HS3ST5: variants seen among roughly 807,000 people sequenced by gnomAD.
HS3ST5 encodes the protein heparan sulfate glucosamine 3-O-sulfotransferase 5.
HS3ST5 carries 10 observed loss-of-function variants against 25.4 expected under a neutral mutation model. That is an observed-to-expected ratio of 0.39 (90% CI 0.24 to 0.67). The LOEUF (loss-of-function observed/expected upper bound fraction) is 0.67, where lower values mean the gene tolerates loss of function less well. Ranked by LOEUF, HS3ST5 falls within the 30% of genes least tolerant of loss-of-function variation. The probability of loss-of-function intolerance (pLI) is 0.44; values close to 1 mark genes in which losing one functional copy is unlikely to be tolerated. For synonymous variants in HS3ST5, 170 were observed against 162.4 expected (o/e 1.05, Z -0.36); for missense variants, 324 against 420.7 (o/e 0.77, Z 2.01).
chr6:114,090,684 T>C (rs987386014), intron 3 of HS3ST5, among the ~76,000 whole-genome samples: 2 of 152,186 alleles, frequency 1.3e-5, no homozygotes, highest in Non-Finnish European at 2.9e-5. Context: ...TGCAAAAAAA[T>C]GCCAACGAAA....
chr6:114,290,377 T>C (rs1455254154), intron 1 of HS3ST5, among the ~76,000 whole-genome samples: 8 of 152,062 alleles, frequency 5.3e-5, no homozygotes, highest in African/African-American at 1.7e-4. Flanking sequence ...AACCATTAGG[T>C]TTAAATGGAG....
intron 3 of HS3ST5, among the ~76,000 whole-genome samples, chr6:114,101,813 C>T (rs748719064): frequency 5.3e-5 from 8 of 152,094 alleles, no homozygotes; most frequent in African/African-American, 9.7e-5. Flanking sequence ...TTCCCATCAA[C>T]GGTAGACTGG....
In HS3ST5 at chr6:114,062,695, GC is replaced by G. The variant is rs1399107968; in HGVS notation, c.107+43del. 5 of 1,246,652 alleles carry G rather than the reference GC, an allele frequency of 4.0e-6. No individual in the cohort carries two copies. In the African/African-American group the frequency reaches 7.5e-5, roughly 19 times the overall value. The allele number at this position is 1,246,652 out of a possible 1,614,324, so 77.2% of individuals were successfully genotyped here. On this transcript the variant is annotated intron_variant, in intron 4 of 4. Coordinates refer to ENST00000312719, the MANE Select transcript of HS3ST5 (RefSeq NM_153612.4). ...TATGTCCTAAGGAAGTTTAAATCAA[GC>G]CTTAATGTCACAGGGGTATAAGCAT... is the stretch of plus-strand genomic sequence containing the variant.
At chr6:114,175,219 G>A (rs1779670774) in intron 2 of HS3ST5, among the ~76,000 whole-genome samples, 1 of 152,102 alleles carries the variant, frequency 6.6e-6, no homozygotes, top group African/African-American at 2.4e-5. Flanking sequence ...AACTTTAAAG[G>A]GGATGTTGTG....
intron 1 of HS3ST5, among the ~76,000 whole-genome samples, chr6:114,279,855 T>C (rs191826534): frequency 1.8e-4 from 28 of 152,084 alleles, no homozygotes; most frequent in South Asian, 1.2e-3. Flanking sequence ...GATATTACTA[T>C]GTAGAAGCAC....
At chr6:114,307,433 T>C (rs1259584736) in intron 1 of HS3ST5, among the ~76,000 whole-genome samples, 2 of 151,978 alleles carry the variant, frequency 1.3e-5, no homozygotes, top group Non-Finnish European at 2.9e-5. Flanking sequence ...ACCTAGTTTT[T>C]TTTTTCTTTA....
At chr6:114,273,984 T>A (rs999538769) in intron 1 of HS3ST5, among the ~76,000 whole-genome samples, 1 of 151,962 alleles carries the variant, frequency 6.6e-6, no homozygotes, top group Non-Finnish European at 1.5e-5. Context: ...TGTTTACATA[T>A]GTGGGAAAGA....
At chr6:114,324,761 T>C (rs1352824375) in intron 1 of HS3ST5, among the ~76,000 whole-genome samples, 1 of 152,198 alleles carries the variant, frequency 6.6e-6, no homozygotes, top group African/African-American at 2.4e-5. Flanking sequence ...AACCAACATA[T>C]TCAGGTGCAT....
intron 2 of HS3ST5, among the ~76,000 whole-genome samples, chr6:114,224,805 T>G (rs1172792880): frequency 3.3e-5 from 5 of 151,702 alleles, no homozygotes; most frequent in African/African-American, 1.2e-4. Flanking sequence ...TTATGTTCTA[T>G]TACATCACCC....
intron 2 of HS3ST5, among the ~76,000 whole-genome samples, chr6:114,211,970 A>G (rs1781527046): frequency 6.6e-6 from 1 of 152,234 alleles, no homozygotes; most frequent in African/African-American, 2.4e-5. Flanking sequence ...TGATAGAAAG[A>G]CATATTGTCA....
intron 3 of HS3ST5, among the ~76,000 whole-genome samples, chr6:114,089,534 A>G (rs988435464): frequency 1.2e-4 from 18 of 152,314 alleles, no homozygotes; most frequent in Middle Eastern, 3.4e-3. Flanking sequence ...TATATCATCA[A>G]ATTTTCAAAG....
chr6:114,113,470 G>A (rs1228872122), intron 3 of HS3ST5, among the ~76,000 whole-genome samples: 1 of 151,710 alleles, frequency 6.6e-6, no homozygotes, highest in Non-Finnish European at 1.5e-5. Context: ...TTTCCACCCA[G>A]GAGAGTTGTA....
chr6:114,336,779 T>C (rs1000638421), intron 1 of HS3ST5, among the ~76,000 whole-genome samples: 5 of 152,190 alleles, frequency 3.3e-5, no homozygotes, highest in African/African-American at 1.2e-4. Context: ...TGTTGAGGCA[T>C]GTTCAGAATT....
At chr6:114,152,933 T>A (rs1778527102) in intron 3 of HS3ST5, among the ~76,000 whole-genome samples, 1 of 152,258 alleles carries the variant, frequency 6.6e-6, no homozygotes, top group African/African-American at 2.4e-5. Flanking sequence ...CCTGGGGATC[T>A]GCCTAATAAT....
chr6:114,273,926 G>C (rs1298440068), intron 1 of HS3ST5, among the ~76,000 whole-genome samples: 4 of 152,020 alleles, frequency 2.6e-5, no homozygotes, highest in Non-Finnish European at 5.9e-5. Context: ...TAGCTGAAGG[G>C]AGAAGTAGGG....
chr6:114,180,464 C>T (rs780878840), intron 2 of HS3ST5, among the ~76,000 whole-genome samples: 1 of 152,078 alleles, frequency 6.6e-6, no homozygotes, highest in Non-Finnish European at 1.5e-5. Flanking sequence ...GGGCCCTCTT[C>T]CTAATACCCA....
At chr6:114,087,446 C>T (rs1460658582) in intron 3 of HS3ST5, among the ~76,000 whole-genome samples, 2 of 152,054 alleles carry the variant, frequency 1.3e-5, no homozygotes, top group Non-Finnish European at 2.9e-5. Flanking sequence ...TAGCTTTTGC[C>T]CTCTGTTGTG....
At chr6:114,243,848 C>T (rs1324126204) in intron 1 of HS3ST5, among the ~76,000 whole-genome samples, 5 of 151,654 alleles carry the variant, frequency 3.3e-5, no homozygotes, top group African/African-American at 1.2e-4. Flanking sequence ...GCTTTGCCCA[C>T]TTGGGTCATC....
intron 1 of HS3ST5, among the ~76,000 whole-genome samples, chr6:114,232,591 C>T (rs1771650537): frequency 6.6e-6 from 1 of 152,194 alleles, no homozygotes; most frequent in South Asian, 2.1e-4. Context: ...AAACCTTCCT[C>T]TTAAATCAGC....
Sources: allele counts gnomAD v4.1 joint callset (sites outside exome capture counted in the v4.1 genomes callset), GRCh38; gene constraint gnomAD v4.1.1; transcripts MANE v1.5; gene names NCBI Gene and HGNC (gene_info 2026-07-23, HGNC 2026-07-21).